The following MCU variants were observed in gnomAD, a reference collection of about 807,000 sequenced individuals.
MCU encodes the protein calcium uniporter protein, mitochondrial.
Under a neutral mutation model 45.2 loss-of-function variants are expected in MCU, and 12 were observed. That is an observed-to-expected ratio of 0.27 (90% confidence interval 0.17 to 0.43). The LOEUF (loss-of-function observed/expected upper bound fraction) is 0.43, where lower values mean the gene tolerates loss of function less well. Ranked by LOEUF, MCU falls within the 20% of genes least tolerant of loss-of-function variation. The pLI, the probability that MCU is intolerant of heterozygous loss-of-function variation, is 1.00. For missense variants in MCU, 324 were observed against 436.7 expected, an observed-to-expected ratio of 0.74 and a Z score of 2.30; for synonymous variants, 160 against 165.1, an observed-to-expected ratio of 0.97 and a Z score of 0.24.
intron 1 of MCU, among the ~76,000 whole-genome samples, chr10:72,699,050 T>C (rs938031211): frequency 6.6e-6 from 1 of 152,162 alleles, no homozygotes; most frequent in Non-Finnish European, 1.5e-5. Flanking sequence ...GCAGTCCTCC[T>C]GCCTTGGCCT....
At chr10:72,797,814 C>T (rs558661063) in intron 1 of MCU, among the ~76,000 whole-genome samples, 2 of 152,182 alleles carry the variant, frequency 1.3e-5, no homozygotes, top group East Asian at 3.9e-4. Flanking sequence ...GGATTATAGG[C>T]GCCCAGCCCA....
chr10:72,745,810 C>T (rs1843407300), intron 1 of MCU, among the ~76,000 whole-genome samples: 1 of 152,150 alleles, frequency 6.6e-6, no homozygotes, highest in Non-Finnish European at 1.5e-5. Flanking sequence ...AGTCACATGT[C>T]ACATTTGGCT....
chr10:72,761,460 A>G (rs1843655776), intron 1 of MCU, among the ~76,000 whole-genome samples: 1 of 152,202 alleles, frequency 6.6e-6, no homozygotes, highest in Non-Finnish European at 1.5e-5. Context: ...TCTTATGGCC[A>G]GAATACCTTT....
At chr10:72,761,043 G>A (rs1311733366) in intron 1 of MCU, among the ~76,000 whole-genome samples, 2 of 152,162 alleles carry the variant, frequency 1.3e-5, no homozygotes, top group Non-Finnish European at 1.5e-5. Flanking sequence ...TAGTGCCACC[G>A]TAGAATGTTA....
chr10:72,761,459 C>T (rs553908546), intron 1 of MCU, among the ~76,000 whole-genome samples: 52 of 152,076 alleles, frequency 3.4e-4, no homozygotes, highest in Non-Finnish European at 6.5e-4. Flanking sequence ...ATCTTATGGC[C>T]AGAATACCTT....
chr10:72,868,915 C>T (rs752386146), intron 5 of MCU, 52 bp downstream of exon 5: 1 of 1,554,354 alleles, frequency 6.4e-7, no homozygotes, highest in South Asian at 1.2e-5. Flanking sequence ...TTTTCCAGAG[C>T]ATATATGTTT....
At chr10:72,807,945 A>G (rs1420349254) in intron 1 of MCU, among the ~76,000 whole-genome samples, 1 of 152,250 alleles carries the variant, frequency 6.6e-6, no homozygotes, top group Non-Finnish European at 1.5e-5. Context: ...AAATAGAAAC[A>G]GTCACTTAAA....
intron 1 of MCU, among the ~76,000 whole-genome samples, chr10:72,701,399 G>A (rs1842757252): frequency 6.6e-6 from 1 of 152,320 alleles, no homozygotes; most frequent in East Asian, 1.9e-4. Context: ...TGGCTAGAGT[G>A]AGAACTGTAC....
At chr10:72,755,146 A>AT (rs11397520) in intron 1 of MCU, among the ~76,000 whole-genome samples, 66,679 of 123,704 alleles carry the variant, frequency 0.54, 20,154 homozygotes, top group Non-Finnish European at 0.69. Flanking sequence ...TGAACCTGAG[A>AT]TTTTTTTTTT....
chr10:72,800,085 A>C (rs531317442), intron 1 of MCU, among the ~76,000 whole-genome samples: 1 of 152,210 alleles, frequency 6.6e-6, no homozygotes, highest in Non-Finnish European at 1.5e-5. Context: ...AACATGCTGC[A>C]GTCAAAACGC....
In MCU at chr10:72,782,023, C is replaced by T. The variant is rs115984243; in HGVS notation, c.151-52336C>T. On this transcript the variant is annotated intron_variant, in intron 1 of 7. Coordinates refer to ENST00000373053, the MANE Select transcript of MCU (RefSeq NM_138357.3). ...GAATGCTACCAGGACACTGCAGACTCCTCCCCACAGTCCCCAGATCATGAG... is the reference window on the plus strand; with the variant it reads ...GAATGCTACCAGGACACTGCAGACTTCTCCCCACAGTCCCCAGATCATGAG... Among the ~76,000 whole-genome samples, 1,301 of 152,268 alleles carry T rather than the reference C, an allele frequency of 8.5e-3. 23 individuals carry two copies. The highest frequency in any genetic ancestry group is 0.029 in the African/African-American group (1,208 of 41,552).
chr10:72,780,511 A>AGTGTGT (rs60306247), intron 1 of MCU, among the ~76,000 whole-genome samples: 9,466 of 110,538 alleles, frequency 0.086, 493 homozygotes, highest in African/African-American at 0.12. Context: ...TCTTTGGCTA[A>AGTGTGT]GTGTGTGTGT....
intron 1 of MCU, among the ~76,000 whole-genome samples, chr10:72,749,927 C>A (rs1034141328): frequency 6.6e-6 from 1 of 151,686 alleles, no homozygotes; most frequent in Non-Finnish European, 1.5e-5. Context: ...CTACCATGTC[C>A]AGCTAATTTT....
chr10:72,769,400 T>C (rs896175296), intron 1 of MCU, among the ~76,000 whole-genome samples: 2 of 152,182 alleles, frequency 1.3e-5, no homozygotes, highest in Non-Finnish European at 2.9e-5. Context: ...ATGTTAAATA[T>C]GGGGAGGAAA....
At chr10:72,824,427 T>G (rs1844764337) in intron 1 of MCU, among the ~76,000 whole-genome samples, 1 of 151,338 alleles carries the variant, frequency 6.6e-6, no homozygotes, top group Non-Finnish European at 1.5e-5. Context: ...CAGGCTGGTC[T>G]TGAACTCCTG....
chr10:72,692,642 C>G (rs917963190), intron 1 of MCU: 1 of 1,147,910 alleles, frequency 8.7e-7, no homozygotes, highest in African/African-American at 1.6e-5. Context: ...AGCCCTGCCC[C>G]AAGGCTCCCT....
intron 1 of MCU, among the ~76,000 whole-genome samples, chr10:72,758,055 A>G (rs180874091): frequency 8.9e-4 from 135 of 152,368 alleles, no homozygotes; most frequent in Non-Finnish European, 1.1e-3. Flanking sequence ...ATGTGGCAGT[A>G]AACTAGTGGA....
At chr10:72,873,194 A>G (rs1439653471) in intron 6 of MCU, among the ~76,000 whole-genome samples, 1 of 150,956 alleles carries the variant, frequency 6.6e-6, no homozygotes, top group East Asian at 1.9e-4. Context: ...AATTTTTTGT[A>G]TTTTTAGTAG....
At chr10:72,781,425 T>G (rs1282469055) in intron 1 of MCU, among the ~76,000 whole-genome samples, 2 of 152,260 alleles carry the variant, frequency 1.3e-5, no homozygotes, top group Non-Finnish European at 2.9e-5. Context: ...CATTGTAGAG[T>G]TAAAGTCATC....
Sources: allele counts gnomAD v4.1 joint callset (sites outside exome capture counted in the v4.1 genomes callset), GRCh38; gene constraint gnomAD v4.1.1; transcripts MANE v1.5; gene names NCBI Gene and HGNC (gene_info 2026-07-23, HGNC 2026-07-21).